GNB1: variants seen among roughly 807,000 people sequenced by gnomAD.
GNB1 encodes G protein subunit beta 1.
A neutral mutation model predicts 42.9 loss-of-function variants in GNB1; 2 were observed. That is an observed-to-expected ratio of 0.05 (90% confidence interval 0.02 to 0.15). The LOEUF (loss-of-function observed/expected upper bound fraction) is 0.15, where lower values mean the gene tolerates loss of function less well. Ranked by LOEUF, GNB1 falls within the 10% of genes least tolerant of loss-of-function variation. The pLI is 1.00. For missense variants in GNB1, 193 were observed against 462.2 expected, an observed-to-expected ratio of 0.42 and a Z score of 5.34; for synonymous variants, 183 against 174.7, an observed-to-expected ratio of 1.05 and a Z score of -0.38.
At chr1:1,824,708 G>C (rs573435021) in intron 3 of GNB1, among the ~76,000 whole-genome samples, 1 of 152,120 alleles carries the variant, frequency 6.6e-6, no homozygotes, top group African/African-American at 2.4e-5. Context: ...GAGTAGCTGG[G>C]AATACAGGCA....
intron 1 of GNB1, among the ~76,000 whole-genome samples, chr1:1,842,434 C>CAA (rs758786067): frequency 1.2e-4 from 11 of 91,340 alleles, no homozygotes; most frequent in African/African-American, 2.0e-4. Flanking sequence ...GACTCCATCT[C>CAA]AAAAAAAAAA....
intron 2 of GNB1, among the ~76,000 whole-genome samples, chr1:1,832,616 T>G (rs1223383619): frequency 6.6e-6 from 1 of 152,248 alleles, no homozygotes; most frequent in Non-Finnish European, 1.5e-5. Context: ...CAATGCAATG[T>G]GCTCCGTGTA....
chr1:1,856,123 A>T (rs1203150055), intron 1 of GNB1, among the ~76,000 whole-genome samples: 1 of 151,718 alleles, frequency 6.6e-6, no homozygotes, highest in Non-Finnish European at 1.5e-5. Flanking sequence ...CCTGGGCTCA[A>T]GTATCCTCCC....
intron 1 of GNB1, among the ~76,000 whole-genome samples, chr1:1,871,952 C>G (rs114225097): frequency 6.6e-6 from 1 of 152,118 alleles, no homozygotes; most frequent in Non-Finnish European, 1.5e-5. Flanking sequence ...CTGTCTCAAT[C>G]TGTGCCCCCG....
At position 1,794,411 on chromosome 1, in the gene GNB1, T is replaced by C. The variant is rs530875447; in HGVS notation, c.431-1100A>G. ...GGTATTTACTGTGGAACTAAAAGCA[T>C]AGGGTCAACAAACCAGTTAGTGTGT... On this transcript the variant is annotated intron_variant, in intron 7 of 11. Transcript: ENST00000378609. Among the ~76,000 whole-genome samples the C allele has an allele frequency of 2.8e-4, 42 of 152,274 alleles. No homozygotes were observed. The South Asian group carries it at 8.7e-3, about 32-fold the overall frequency.
At chr1:1,812,339 A>AG (rs1646792408) in intron 5 of GNB1, among the ~76,000 whole-genome samples, 1 of 151,612 alleles carries the variant, frequency 6.6e-6, no homozygotes, top group South Asian at 2.1e-4. Context: ...TAGAACTTAA[A>AG]GAAAAAAAAA....
rs1441277080 is a variant in GNB1, at chr1:1,785,867, G to A, written c.*1196C>T. ...TCCCGCTACCCAAGCGTGTAGAGCC[G>A]CGCGCTGTACTGCTTCCGATATGTG... On this transcript the variant is annotated 3_prime_UTR_variant, in exon 12 of 12. Coordinates refer to ENST00000378609, the MANE Select transcript of GNB1 (RefSeq NM_002074.5). 2 of 384,458 alleles carry A rather than the reference G, an allele frequency of 5.2e-6. No individual in the cohort carries two copies. Among genetic ancestry groups the A allele is most frequent in the African/African-American group, 2.1e-5 (1 of 47,384 alleles). The allele number at this position is 384,458 out of a possible 1,614,324, so 23.8% of individuals were successfully genotyped here. A position where few individuals can be genotyped will look rare whatever the true frequency, so the allele number is the denominator to read the frequency against.
intron 2 of GNB1, among the ~76,000 whole-genome samples, chr1:1,836,683 C>G (rs896748287): frequency 6.6e-6 from 1 of 151,834 alleles, no homozygotes; most frequent in African/African-American, 2.4e-5. Flanking sequence ...CCCAAATGGC[C>G]GGGATTATAG....
intron 5 of GNB1, among the ~76,000 whole-genome samples, chr1:1,808,699 A>G (rs746169365): frequency 6.6e-5 from 10 of 151,860 alleles, no homozygotes; most frequent in Non-Finnish European, 1.3e-4. Flanking sequence ...GCTGGAGTGC[A>G]GTGGTGTGAT....
chr1:1,833,629 C>T (rs191465147), intron 2 of GNB1, among the ~76,000 whole-genome samples: 11 of 152,244 alleles, frequency 7.2e-5, no homozygotes, highest in Middle Eastern at 3.4e-3. Context: ...AGGTAAATCA[C>T]GTGGAGTTAC....
At chr1:1,872,332 G>A (rs539078383) in intron 1 of GNB1, among the ~76,000 whole-genome samples, 6 of 152,146 alleles carry the variant, frequency 3.9e-5, no homozygotes, top group Admixed American at 2.6e-4. Flanking sequence ...ATTTTTCAAC[G>A]GCTTCCCACT....
intron 1 of GNB1, among the ~76,000 whole-genome samples, chr1:1,872,602 T>A (rs561914846): frequency 6.6e-6 from 1 of 152,310 alleles, no homozygotes; most frequent in South Asian, 2.1e-4. Flanking sequence ...CCGCAGGGCC[T>A]CTGCAATCAC....
At chr1:1,825,880 G>C (rs1195869445) in intron 2 of GNB1, among the ~76,000 whole-genome samples, 1 of 151,086 alleles carries the variant, frequency 6.6e-6, no homozygotes, top group African/African-American at 2.4e-5. Flanking sequence ...AAAAAAAAAG[G>C]AAAGTCTGAG....
At chr1:1,831,705 T>C in intron 2 of GNB1, among the ~76,000 whole-genome samples, 1 of 151,618 alleles carries the variant, frequency 6.6e-6, no homozygotes, top group Admixed American at 6.6e-5. Flanking sequence ...TGCCTCAGCC[T>C]CCCAAAGTAC....
chr1:1,820,600 A>C (rs1349128169), intron 3 of GNB1, among the ~76,000 whole-genome samples: 1 of 152,168 alleles, frequency 6.6e-6, no homozygotes, highest in Non-Finnish European at 1.5e-5. Context: ...ACTGAGTTTA[A>C]TATTTGTTTT....
intron 1 of GNB1, among the ~76,000 whole-genome samples, chr1:1,840,688 AAGTCT>A (rs1294640459): frequency 6.6e-6 from 1 of 152,246 alleles, no homozygotes; most frequent in Non-Finnish European, 1.5e-5. Context: ...GAGTCCTGGC[AAGTCT>A]ATGTTGGGAC....
chr1:1,797,445 CT>C (rs980428038), intron 7 of GNB1, among the ~76,000 whole-genome samples: 53 of 146,792 alleles, frequency 3.6e-4, no homozygotes, highest in Non-Finnish European at 5.3e-4. Flanking sequence ...TCCAAAATTC[CT>C]TTTTTTTTTT....
intron 1 of GNB1, among the ~76,000 whole-genome samples, chr1:1,883,364 A>G (rs752786333): frequency 3.9e-5 from 6 of 152,202 alleles, no homozygotes; most frequent in African/African-American, 7.2e-5. Context: ...AAGGCAGTAA[A>G]TAAGTGATAG....
chr1:1,833,120 GT>G (rs1647099337), intron 2 of GNB1, among the ~76,000 whole-genome samples: 1 of 152,090 alleles, frequency 6.6e-6, no homozygotes, highest in South Asian at 2.1e-4. Context: ...TGAGCCTCCT[GT>G]GCAGCACTGG....
Sources: gnomAD v4.1 joint callset for allele counts (sites outside exome capture counted in the v4.1 genomes callset) on GRCh38, gnomAD v4.1.1 for gene constraint, MANE v1.5 for transcripts, NCBI Gene and HGNC (gene_info 2026-07-23, HGNC 2026-07-21) for gene names.